Variants in SLC9A4 observed in about 807,000 individuals in gnomAD.
The protein encoded by SLC9A4 is sodium/hydrogen exchanger 4.
Under a neutral mutation model 67.4 loss-of-function variants are expected in SLC9A4, and 63 were observed. The ratio of observed to expected loss-of-function variants is 0.93; its 90% CI spans 0.76 to 1.15. The LOEUF (loss-of-function observed/expected upper bound fraction) is 1.15. Ranked by LOEUF, SLC9A4 falls within the 50% of genes most tolerant of loss-of-function variation. The pLI, the probability that SLC9A4 is intolerant of heterozygous loss-of-function variation, is 0.00. For missense variants in SLC9A4, 1,089 were observed against 987.7 expected (o/e 1.10, Z -1.38); for synonymous variants, 393 against 367.2 (o/e 1.07, Z -0.80).
At chr2:102,474,572 A>G (rs1684289309) in intron 1 of SLC9A4, among the ~76,000 whole-genome samples, 1 of 152,174 alleles carries the variant, frequency 6.6e-6, no homozygotes, top group Non-Finnish European at 1.5e-5. Context: ...CTGTCAGTAA[A>G]ATATTAGTTT....
At chr2:102,474,101 A>T in intron 1 of SLC9A4, 86 bp downstream of exon 1, 1 of 1,483,888 alleles carries the variant, frequency 6.7e-7, no homozygotes, top group African/African-American at 1.4e-5. Flanking sequence ...ACGGGCTAAG[A>T]GGATTTTAAC....
intron 1 of SLC9A4, 91 bp downstream of exon 1, chr2:102,474,106 T>C: frequency 6.9e-7 from 1 of 1,440,196 alleles, no homozygotes; most frequent in Admixed American, 2.0e-5. Flanking sequence ...CTAAGAGGAT[T>C]TTAACTGTTA....
intron 7 of SLC9A4, among the ~76,000 whole-genome samples, chr2:102,513,825 T>C (rs1265256532): frequency 6.6e-6 from 1 of 152,270 alleles, no homozygotes; most frequent in Non-Finnish European, 1.5e-5. Context: ...CTTTTTGCCC[T>C]GATTGCAGCT....
chr2:102,524,813 A>G (rs557911606), intron 9 of SLC9A4, among the ~76,000 whole-genome samples: 1 of 152,356 alleles, frequency 6.6e-6, no homozygotes, highest in African/African-American at 2.4e-5. Context: ...GGCTCTAGCC[A>G]CAGCTCCGCC....
chr2:102,516,000 T>C (rs755026664), intron 8 of SLC9A4, among the ~76,000 whole-genome samples: 19 of 152,212 alleles, frequency 1.2e-4, no homozygotes, highest in Non-Finnish European at 2.6e-4. Flanking sequence ...ATTAATGCAG[T>C]TTAGACCATT....
At chr2:102,506,246 A>T (rs1201353402) in intron 4 of SLC9A4, among the ~76,000 whole-genome samples, 3 of 152,206 alleles carry the variant, frequency 2.0e-5, no homozygotes, top group Admixed American at 6.5e-5. Flanking sequence ...ACTACAATAT[A>T]TGTGTTGCCT....
At position 102,532,616 on chromosome 2, in the gene SLC9A4, G is replaced by A. The variant is rs145203765; in HGVS notation, c.2325G>A (p.Ser775=). The A allele has an allele frequency of 1.2e-4, 196 of 1,613,906 alleles. No individual in the cohort carries two copies. The highest frequency in any genetic ancestry group is 1.5e-4 in the Non-Finnish European group (182 of 1,179,984). The part of the protein sequence containing the change: ...EGKASLVEVR[S]RWTADHGHGR... The stretch of plus-strand genomic sequence containing the variant: ...AGGCCTCTTTGGTTGAGGTTCGGTC[G>A]AGGTGGACAGCTGACCATGGACACG... Residue 775 remains serine, a synonymous_variant, in exon 12 of 12, where the codon TCG becomes TCA. Transcript: ENST00000295269.
chr2:102,474,857 G>A (rs1684294469), intron 1 of SLC9A4, among the ~76,000 whole-genome samples: 1 of 152,166 alleles, frequency 6.6e-6, no homozygotes, highest in Non-Finnish European at 1.5e-5. Context: ...TATGTAGATT[G>A]CCTTATTGAG....
chr2:102,501,125 AT>A (rs568540045), intron 2 of SLC9A4, among the ~76,000 whole-genome samples: 4,371 of 146,102 alleles, frequency 0.03, 196 homozygotes, highest in African/African-American at 0.091. Flanking sequence ...TGCCTGGCTA[AT>A]TTTTTTTTTT....
chr2:102,495,443 G>T (rs1011183846), intron 2 of SLC9A4, among the ~76,000 whole-genome samples: 3 of 151,860 alleles, frequency 2.0e-5, no homozygotes, highest in African/African-American at 7.3e-5. Context: ...TCTCCTATTT[G>T]ATCTATAGAT....
chr2:102,480,353 G>T (rs1036205169), intron 2 of SLC9A4, among the ~76,000 whole-genome samples: 9 of 149,164 alleles, frequency 6.0e-5, no homozygotes, highest in African/African-American at 2.0e-4. Flanking sequence ...AAGTCTTTCC[G>T]TGTCTTGTTT....
rs1400709902 is a variant in SLC9A4 at position 102,508,848 on chromosome 2, G to T, written c.1403G>T (p.Gly468Val). Reference protein sequence around the residue: ...VVIYFTVFIQGITVGPLVRYL... With the variant: ...VVIYFTVFIQVITVGPLVRYL... ...TTTGTTTTGTTATTTCTGATCTAGG[G>T]AATCACAGTTGGCCCTCTGGTCAGG... Residue 468 changes from glycine (G) to valine (V), a missense_variant and splice_region_variant, in exon 6 of 12, where the codon GGA becomes GTA. Coordinates refer to ENST00000295269, the MANE Select transcript of SLC9A4 (RefSeq NM_001011552.4). 1.2e-6 allele frequency: 2 copies of T among 1,609,130 alleles called. No individual in the cohort carries two copies. Among genetic ancestry groups the T allele is most frequent in the Non-Finnish European group, 8.5e-7 (1 of 1,178,336 alleles).
intron 8 of SLC9A4, among the ~76,000 whole-genome samples, chr2:102,514,619 C>T (rs1233389513): frequency 6.6e-6 from 1 of 152,182 alleles, no homozygotes; most frequent in Non-Finnish European, 1.5e-5. Flanking sequence ...TGTTTCTTCC[C>T]ATAAGCCATT....
intron 2 of SLC9A4, among the ~76,000 whole-genome samples, chr2:102,501,021 G>T (rs957998497): frequency 1.9e-5 from 2 of 107,448 alleles, no homozygotes; most frequent in Admixed American, 9.5e-5. Flanking sequence ...GTGCAATGGT[G>T]CAATCTCAGC....
intron 1 of SLC9A4, among the ~76,000 whole-genome samples, chr2:102,476,679 G>A (rs1394012049): frequency 3.3e-5 from 5 of 152,102 alleles, no homozygotes; most frequent in Admixed American, 2.0e-4. Flanking sequence ...AGGAGGAGAA[G>A]GAAAACGGTA....
chr2:102,529,841 T>C (rs180827133), intron 11 of SLC9A4, among the ~76,000 whole-genome samples: 16 of 152,300 alleles, frequency 1.1e-4, no homozygotes, highest in Middle Eastern at 3.4e-3. Context: ...AGCTCCATGC[T>C]GGTTTGGGGG....
chr2:102,485,420 T>C (rs1240376731), intron 2 of SLC9A4, among the ~76,000 whole-genome samples: 1 of 152,220 alleles, frequency 6.6e-6, no homozygotes, highest in African/African-American at 2.4e-5. Context: ...CCTCTATTTA[T>C]TGTGGATTCT....
chr2:102,486,880 G>C (rs992704053), intron 2 of SLC9A4, among the ~76,000 whole-genome samples: 5 of 152,212 alleles, frequency 3.3e-5, no homozygotes, highest in Non-Finnish European at 7.3e-5. Context: ...CCGGGTGTCT[G>C]TCAGGCATAG....
At chr2:102,503,325 AT>A (rs754920658) in intron 2 of SLC9A4, 122 bp from the exon 3 acceptor site, 504 of 912,802 alleles carry the variant, frequency 5.5e-4, no homozygotes, top group Non-Finnish European at 7.2e-4. Context: ...TCATCTTAGT[AT>A]TTTTTGTTGT....
Sources: gnomAD v4.1 joint callset for allele counts (sites outside exome capture counted in the v4.1 genomes callset) on GRCh38, gnomAD v4.1.1 for gene constraint, MANE v1.5 for transcripts, NCBI Gene and HGNC (gene_info 2026-07-23, HGNC 2026-07-21) for gene names.